SSBP2: variants seen among roughly 807,000 people sequenced by gnomAD.
The protein encoded by SSBP2 is single stranded DNA binding protein 2, also known as single-stranded DNA-binding protein 2.
A neutral mutation model predicts 61.8 loss-of-function variants in SSBP2; 17 were observed. That is an observed-to-expected ratio of 0.28 (90% CI 0.19 to 0.41). The LOEUF is 0.41. Among genes scored for constraint, SSBP2 ranks in the 10% least tolerant of loss-of-function variants. The pLI, the probability that SSBP2 is intolerant of heterozygous loss-of-function variation, is 1.00. For missense variants in SSBP2, 310 were observed against 458.7 expected, an observed-to-expected ratio of 0.68 and a Z score of 2.96; for synonymous variants, 139 against 141.3, an observed-to-expected ratio of 0.98 and a Z score of 0.12.
intron 16 of SSBP2, among the ~76,000 whole-genome samples, chr5:81,421,116 A>C (rs1204186622): frequency 6.6e-6 from 1 of 152,250 alleles, no homozygotes. Flanking sequence ...GGAAGCTCTC[A>C]TTAAAGCATT....
intron 5 of SSBP2, among the ~76,000 whole-genome samples, chr5:81,501,860 GC>G (rs1021729784): frequency 6.6e-6 from 1 of 151,788 alleles, no homozygotes; most frequent in Non-Finnish European, 1.5e-5. Flanking sequence ...ACTGCGCCCT[GC>G]CCCCTGGTGT....
At chr5:81,532,373 T>C (rs568517710) in intron 4 of SSBP2, among the ~76,000 whole-genome samples, 8 of 152,220 alleles carry the variant, frequency 5.3e-5, no homozygotes, top group East Asian at 1.9e-4. Context: ...TTTCTAAGTC[T>C]GAACTTTGTT....
In SSBP2 at chr5:81,525,131, C is replaced by G. The variant is rs773570570; in HGVS notation, c.283-11414G>C. 3.9e-5 allele frequency among the ~76,000 whole-genome samples: 6 copies of G among 152,062 alleles called. No homozygotes were observed. In the South Asian group the frequency reaches 1.2e-3, roughly 32 times the overall value. ...CTTCTATTTGCTAGATTCCCTGACT[C>G]GGTTCCCATCCAACTGGATCTGAAT... On this transcript the variant is annotated intron_variant, in intron 4 of 16. Transcript: ENST00000320672.
At chr5:81,635,409 C>T (rs1748119420) in intron 3 of SSBP2, among the ~76,000 whole-genome samples, 1 of 152,018 alleles carries the variant, frequency 6.6e-6, no homozygotes, top group Non-Finnish European at 1.5e-5. Flanking sequence ...TATTTTGGAA[C>T]AAGATTGACC....
At chr5:81,669,614 G>C (rs1751433451) in intron 1 of SSBP2, among the ~76,000 whole-genome samples, 1 of 152,002 alleles carries the variant, frequency 6.6e-6, no homozygotes, top group South Asian at 2.1e-4. Context: ...AGAACACATG[G>C]ACACATGATG....
chr5:81,738,965 G>C (rs1026302403), intron 1 of SSBP2, among the ~76,000 whole-genome samples: 6 of 151,900 alleles, frequency 3.9e-5, no homozygotes, highest in Admixed American at 6.6e-5. Context: ...AGGAGTTCGA[G>C]ACCAGCCTGG....
rs565823848 is a variant in SSBP2, at chr5:81,555,694, A to G, written c.283-41977T>C. Among the ~76,000 whole-genome samples, 11 of 152,270 alleles carry G rather than the reference A, an allele frequency of 7.2e-5. No individual in the cohort carries two copies. In the South Asian group the frequency reaches 1.7e-3, roughly 23 times the overall value. ...ACATAGAACCAGTAAGAAAATAAAA[A>G]TCAAATATAACAATTGCTGTTAACA... On this transcript the variant is annotated intron_variant, in intron 4 of 16. Transcript: ENST00000320672.
chr5:81,704,183 G>A (rs2153897740), intron 1 of SSBP2, among the ~76,000 whole-genome samples: 1 of 152,242 alleles, frequency 6.6e-6, no homozygotes, highest in African/African-American at 2.4e-5. Context: ...TTTCACTGAG[G>A]CATATAATTA....
At chr5:81,433,821 A>C (rs1762498360) in intron 15 of SSBP2, among the ~76,000 whole-genome samples, 1 of 152,236 alleles carries the variant, frequency 6.6e-6, no homozygotes, top group Non-Finnish European at 1.5e-5. Flanking sequence ...TCAACTGAGC[A>C]AGAAATAATT....
chr5:81,519,127 G>A (rs1769262995), intron 4 of SSBP2, among the ~76,000 whole-genome samples: 2 of 152,004 alleles, frequency 1.3e-5, no homozygotes, highest in African/African-American at 4.8e-5. Context: ...AGGAATTGAT[G>A]GCAAATTGTT....
chr5:81,590,740 C>T (rs1256899018), intron 4 of SSBP2, among the ~76,000 whole-genome samples: 2 of 152,162 alleles, frequency 1.3e-5, no homozygotes, highest in Admixed American at 6.5e-5. Context: ...GGTCCCCTCT[C>T]CCCTGAGAAG....
In SSBP2 at chr5:81,700,800, T is replaced by A. The variant is rs1753930032; in HGVS notation, c.62+50181A>T. On this transcript the variant is annotated intron_variant, in intron 1 of 16. Transcript: ENST00000320672. The stretch of plus-strand genomic sequence containing the variant: ...ACCAACCTCTGCTAGCTTCAAAATT[T>A]TCTTCTGCAACTTCCTTGCCTCCTA... Among the ~76,000 whole-genome samples the A allele has an allele frequency of 3.3e-5, 5 of 152,248 alleles. No individual in the cohort carries two copies. The South Asian group carries it at 1.0e-3, about 31-fold the overall frequency.
At chr5:81,554,948 T>C (rs990609590) in intron 4 of SSBP2, among the ~76,000 whole-genome samples, 44 of 152,140 alleles carry the variant, frequency 2.9e-4, no homozygotes, top group African/African-American at 7.5e-4. Context: ...TCAGGAGCCA[T>C]TGAACTTTAT....
intron 12 of SSBP2, among the ~76,000 whole-genome samples, chr5:81,444,321 C>T (rs1763232314): frequency 6.6e-6 from 1 of 152,168 alleles, no homozygotes; most frequent in Admixed American, 6.5e-5. Flanking sequence ...GTTCTTTCTT[C>T]CTCCAAACAC....
intron 9 of SSBP2, 82 bp from the exon 10 acceptor site, chr5:81,461,185 C>A: frequency 2.7e-6 from 3 of 1,093,510 alleles, no homozygotes; most frequent in East Asian, 2.9e-5. Flanking sequence ...TAAAATATAA[C>A]ATTTATAATT....
chr5:81,425,058 G>T (rs1761867117), intron 16 of SSBP2, among the ~76,000 whole-genome samples: 2 of 152,166 alleles, frequency 1.3e-5, no homozygotes, highest in African/African-American at 4.8e-5. Flanking sequence ...AACCCTTAAA[G>T]ATATTATTTT....
chr5:81,665,109 A>G (rs1352562986), intron 1 of SSBP2, among the ~76,000 whole-genome samples: 1 of 152,204 alleles, frequency 6.6e-6, no homozygotes, highest in Non-Finnish European at 1.5e-5. Flanking sequence ...TATCAATGGT[A>G]GTTTAATGGG....
rs761523212 is a variant in SSBP2, at chr5:81,736,830, C to G, written c.62+14151G>C. Among the ~76,000 whole-genome samples, 39 of 152,150 alleles carry G rather than the reference C, an allele frequency of 2.6e-4. 1 individual carries two copies. Among genetic ancestry groups the G allele is most frequent in the Non-Finnish European group, 8.8e-5 (6 of 68,012 alleles). The stretch of plus-strand genomic sequence containing the variant: ...ACAATTCTAAAGAAAAGTCAGCTAA[C>G]CAAGGGAGAGTTAAAAAATAATTTC... On this transcript the variant is annotated intron_variant, in intron 1 of 16. Transcript: ENST00000320672.
Position 81,419,513 on chromosome 5 carries a change from T to A in SSBP2, c.*991A>T, listed in dbSNP as rs900268723. Reference sequence around the variant, plus strand: ...CAGATACCATTTCACATTAGTATGTTATTAAAAATTTACCTCTAGTACTCC... The same window carrying A: ...CAGATACCATTTCACATTAGTATGTAATTAAAAATTTACCTCTAGTACTCC... On this transcript the variant is annotated 3_prime_UTR_variant, in exon 17 of 17. Coordinates refer to ENST00000320672, the MANE Select transcript of SSBP2 (RefSeq NM_012446.5). The A allele has an allele frequency of 6.6e-6, 1 of 152,242 alleles. No homozygotes were observed. Among genetic ancestry groups the A allele is most frequent in the Admixed American group, 6.5e-5 (1 of 15,288 alleles). 9.4% of individuals were successfully genotyped at this position (152,242 alleles called of 1,614,324 possible).
Sources: allele counts gnomAD v4.1 joint callset (sites outside exome capture counted in the v4.1 genomes callset), GRCh38; gene constraint gnomAD v4.1.1; transcripts MANE v1.5; gene names NCBI Gene and HGNC (gene_info 2026-07-23, HGNC 2026-07-21).